FOXN3: variants seen among roughly 807,000 people sequenced by gnomAD.
FOXN3 encodes the protein forkhead box N3.
A neutral mutation model predicts 38.4 loss-of-function variants in FOXN3; 7 were observed. The observed-to-expected ratio is 0.18, with a 90% confidence interval of 0.10 to 0.34. The LOEUF (loss-of-function observed/expected upper bound fraction) is 0.34. FOXN3 is among the 10% of genes least tolerant of loss of function. FOXN3 has a pLI of 1.00. For missense variants in FOXN3, 456 were observed against 613.4 expected (o/e 0.74, Z 2.71); for synonymous variants, 230 against 242.2 (o/e 0.95, Z 0.47).
At chr14:89,378,602 A>G (rs1890553133) in intron 2 of FOXN3, among the ~76,000 whole-genome samples, 2 of 152,232 alleles carry the variant, frequency 1.3e-5, no homozygotes, top group Non-Finnish European at 2.9e-5. Flanking sequence ...TATTTCTTTA[A>G]CTGTGTGCAT....
At chr14:89,368,298 C>T (rs1488859492) in intron 2 of FOXN3, among the ~76,000 whole-genome samples, 1 of 144,348 alleles carries the variant, frequency 6.9e-6, no homozygotes, top group Non-Finnish European at 1.5e-5. Flanking sequence ...CCATTGCACT[C>T]CAGCCTGGAT....
intron 4 of FOXN3, among the ~76,000 whole-genome samples, chr14:89,223,499 A>C (rs2139845048): frequency 6.6e-6 from 1 of 151,960 alleles, no homozygotes. Flanking sequence ...CTCAGGGCGA[A>C]GAAGAATTAG....
chr14:89,278,756 C>T (rs1405621271), intron 4 of FOXN3, among the ~76,000 whole-genome samples: 1 of 152,142 alleles, frequency 6.6e-6, no homozygotes, highest in Admixed American at 6.5e-5. Context: ...GAAAAATTTT[C>T]TTCCACTTGC....
chr14:89,248,440 C>T (rs575351920), intron 4 of FOXN3, among the ~76,000 whole-genome samples: 35 of 152,220 alleles, frequency 2.3e-4, no homozygotes, highest in African/African-American at 7.5e-4. Flanking sequence ...TCTCCCCATC[C>T]CTGTCTACTC....
chr14:89,612,816 G>T (rs1197624182), intron 1 of FOXN3, among the ~76,000 whole-genome samples: 9 of 150,514 alleles, frequency 6.0e-5, no homozygotes, highest in Admixed American at 6.0e-4. Context: ...GACAGAGTGA[G>T]ACCCTGCTTA....
chr14:89,460,269 T>C (rs529343869), intron 1 of FOXN3, among the ~76,000 whole-genome samples: 10 of 152,090 alleles, frequency 6.6e-5, no homozygotes, highest in Non-Finnish European at 1.3e-4. Context: ...AAATACTAAG[T>C]GCTTCAATTA....
intron 2 of FOXN3, among the ~76,000 whole-genome samples, chr14:89,391,076 A>G (rs949675545): frequency 3.3e-5 from 5 of 152,134 alleles, no homozygotes; most frequent in Non-Finnish European, 7.4e-5. Flanking sequence ...TTCCTTATTT[A>G]TGTGTGGTCT....
intron 2 of FOXN3, among the ~76,000 whole-genome samples, chr14:89,407,271 A>T (rs777766489): frequency 1.3e-5 from 2 of 152,188 alleles, no homozygotes; most frequent in Non-Finnish European, 2.9e-5. Flanking sequence ...CAGGGAAGGG[A>T]ATGAAAAAGG....
chr14:89,182,153 A>T (rs1377885115), intron 4 of FOXN3, among the ~76,000 whole-genome samples: 9 of 152,272 alleles, frequency 5.9e-5, no homozygotes, highest in Non-Finnish European at 5.9e-5. Flanking sequence ...AATATTATAT[A>T]GGTAGAATAA....
At chr14:89,230,957 G>T in intron 4 of FOXN3, 1 of 444,868 alleles carries the variant, frequency 2.2e-6, no homozygotes, top group Non-Finnish European at 4.5e-6. Flanking sequence ...CCCCCATGGC[G>T]TCTACTGGAG....
chr14:89,539,485 G>A (rs1216561359), intron 1 of FOXN3, among the ~76,000 whole-genome samples: 2 of 152,148 alleles, frequency 1.3e-5, no homozygotes, highest in African/African-American at 4.8e-5. Context: ...AACAAAATGG[G>A]ATGTCTATAA....
At chr14:89,580,489 A>G (rs1019673583) in intron 1 of FOXN3, among the ~76,000 whole-genome samples, 5 of 152,220 alleles carry the variant, frequency 3.3e-5, no homozygotes, top group African/African-American at 1.2e-4. Context: ...CCACTTTCTC[A>G]AAACCCTTTA....
intron 3 of FOXN3, among the ~76,000 whole-genome samples, chr14:89,300,180 CTT>C (rs35774627): frequency 7.0e-4 from 81 of 115,758 alleles, no homozygotes; most frequent in African/African-American, 2.3e-3. Context: ...AAGAAATGTA[CTT>C]TTTTTTTTTT....
chr14:89,468,658 T>C (rs1893032868), intron 1 of FOXN3, among the ~76,000 whole-genome samples: 1 of 152,182 alleles, frequency 6.6e-6, no homozygotes, highest in African/African-American at 2.4e-5. Context: ...GTATTGCTAT[T>C]ATTTACTCCT....
chr14:89,180,836 C>A, intron 4 of FOXN3, 30 bp from the exon 5 acceptor site: 1 of 1,543,746 alleles, frequency 6.5e-7, no homozygotes, highest in Non-Finnish European at 8.9e-7. Context: ...AAAGACACCG[C>A]ACGTGAATTC....
At chr14:89,285,755 A>C (rs1886609954) in intron 3 of FOXN3, among the ~76,000 whole-genome samples, 1 of 152,160 alleles carries the variant, frequency 6.6e-6, no homozygotes, top group East Asian at 1.9e-4. Flanking sequence ...TTACAAGACG[A>C]AAAGAGTTCC....
chr14:89,342,865 G>C (rs1290364230), intron 3 of FOXN3, among the ~76,000 whole-genome samples: 1 of 152,154 alleles, frequency 6.6e-6, no homozygotes, highest in East Asian at 1.9e-4. Flanking sequence ...CCAAATAAGT[G>C]TATTGAATAT....
At chr14:89,439,657 C>T (rs1215645541) in intron 1 of FOXN3, among the ~76,000 whole-genome samples, 10 of 136,266 alleles carry the variant, frequency 7.3e-5, no homozygotes, top group Admixed American at 2.2e-4. Context: ...TCTTTTATTC[C>T]TTTTTTTTTT....
intron 1 of FOXN3, among the ~76,000 whole-genome samples, chr14:89,605,042 C>A: frequency 1.4e-5 from 2 of 140,584 alleles, no homozygotes; most frequent in African/African-American, 2.7e-5. Context: ...TAAATGAAAC[C>A]TAAGAGAAGT....
Sources: allele counts gnomAD v4.1 joint callset (sites outside exome capture counted in the v4.1 genomes callset), GRCh38; gene constraint gnomAD v4.1.1; transcripts MANE v1.5; gene names NCBI Gene and HGNC (gene_info 2026-07-23, HGNC 2026-07-21).